Variants in DLGAP5 observed in about 807,000 individuals in gnomAD.
The protein encoded by DLGAP5 is disks large-associated protein 5.
Under a neutral mutation model 99.6 loss-of-function variants are expected in DLGAP5, and 90 were observed. The observed-to-expected ratio is 0.90, with a 90% CI of 0.76 to 1.08. The LOEUF is 1.08. Ranked by LOEUF, DLGAP5 falls within the 50% of genes least tolerant of loss-of-function variation. The probability of loss-of-function intolerance (pLI) is 0.00; values close to 1 mark genes in which losing one functional copy is unlikely to be tolerated. For synonymous variants in DLGAP5, 311 were observed against 321.3 expected, an observed-to-expected ratio of 0.97 and a Z score of 0.34; for missense variants, 1,036 against 983.5, an observed-to-expected ratio of 1.05 and a Z score of -0.71.
Position 55,150,812 on chromosome 14 carries a change from T to C in DLGAP5, c.2405A>G (p.His802Arg). 1 of 1,578,144 alleles carries C rather than the reference T, an allele frequency of 6.3e-7. No homozygotes were observed. Among genetic ancestry groups the C allele is most frequent in the Non-Finnish European group, 8.6e-7 (1 of 1,169,250 alleles). Residue 802 changes from histidine (H) to arginine (R), a missense_variant, in exon 18 of 19, where the codon CAC becomes CGC. Transcript: ENST00000247191. ...TGGAAAACTTACTGAATCAAGAAGG[T>C]GGCATTCAGTAGTGAGACTTTTATT... ...FDNKSLTTEC[H>R]LLDSPGLNCS...
chr14:55,158,972 A>T (rs1882313205), intron 13 of DLGAP5, among the ~76,000 whole-genome samples: 1 of 152,136 alleles, frequency 6.6e-6, no homozygotes. Context: ...AGATCTGGGA[A>T]GAATAGTAAG....
chr14:55,168,000 T>C (rs1220729518), intron 12 of DLGAP5, among the ~76,000 whole-genome samples: 1 of 152,142 alleles, frequency 6.6e-6, no homozygotes. Context: ...TTTTTTTCTG[T>C]TCTCTTTTTC....
intron 7 of DLGAP5, among the ~76,000 whole-genome samples, chr14:55,177,573 C>T (rs72718821): frequency 0.011 from 1,630 of 151,544 alleles, 11 homozygotes; most frequent in Middle Eastern, 0.028. Flanking sequence ...AGTAGCCCTC[C>T]GTCGCCCAGG....
At position 55,177,318 on chromosome 14, in the gene DLGAP5, C is replaced by T. The variant is rs568860371; in HGVS notation, c.793G>A (p.Asp265Asn). 2 of 1,600,498 alleles carry T rather than the reference C, an allele frequency of 1.2e-6. No individual in the cohort carries two copies. The highest frequency in any genetic ancestry group is 2.2e-5 in the East Asian group (1 of 44,464). ...KPDKGISCKVDSEENTLNSQT... is the reference protein window; with the variant it reads ...KPDKGISCKVNSEENTLNSQT... ...GAATTCAAAGTATTTTCTTCACTAT[C>T]GACTTTACAAGAAATACCCTAGGAT... The change falls in exon 8 of 19, where the codon GAT (aspartate) becomes AAT (asparagine). Residue 265 changes from aspartate to asparagine, a missense_variant. Asp to Asn is a conservative substitution (Grantham distance 23). Transcript: ENST00000247191.
intron 1 of DLGAP5, among the ~76,000 whole-genome samples, chr14:55,190,289 T>TATACACACACACACACACACACAC (rs1555330252): frequency 2.0e-5 from 3 of 147,304 alleles, no homozygotes; most frequent in African/African-American, 7.5e-5. Context: ...AGAAAAGCCA[T>TATACACACACACACACACACACAC]ACACACACAC....
chr14:55,187,007 C>G (rs1883455491), intron 2 of DLGAP5, among the ~76,000 whole-genome samples: 1 of 152,020 alleles, frequency 6.6e-6, no homozygotes, highest in South Asian at 2.1e-4. Flanking sequence ...CTCCTGGGTT[C>G]AGGTGATTCT....
Position 55,181,770 on chromosome 14 carries a change from C to T in DLGAP5, c.496-473G>A, listed in dbSNP as rs542451904. On this transcript the variant is annotated intron_variant, in intron 4 of 18. Coordinates refer to ENST00000247191, the MANE Select transcript of DLGAP5 (RefSeq NM_014750.5). ...CCCCATACCTATTTCTAGTACACCCCATCTCCCCTTTTTAAAATCTCTTCC... is the reference window on the plus strand; with the variant it reads ...CCCCATACCTATTTCTAGTACACCCTATCTCCCCTTTTTAAAATCTCTTCC... 2.1e-4 allele frequency among the ~76,000 whole-genome samples: 32 copies of T among 152,266 alleles called. No homozygotes were observed. The South Asian group carries it at 5.6e-3, about 27-fold the overall frequency.
At chr14:55,178,055 A>C (rs894793113) in intron 7 of DLGAP5, among the ~76,000 whole-genome samples, 2 of 108,482 alleles carry the variant, frequency 1.8e-5, no homozygotes, top group Non-Finnish European at 1.6e-5. Context: ...GATCGAGACC[A>C]TCCTGGCTAA....
At chr14:55,152,759 T>C (rs1284772502) in intron 15 of DLGAP5, 112 bp from the exon 16 acceptor site, 2 of 837,494 alleles carry the variant, frequency 2.4e-6, no homozygotes, top group East Asian at 5.9e-5. Context: ...GGATCAAACA[T>C]GGAGCCTGGT....
At position 55,148,265 on chromosome 14, in the gene DLGAP5, A is replaced by G. The variant is rs571959440; in HGVS notation, c.*86T>C. ...ATTATATGCTATAGAAGTGAACACA[A>G]ATACATTTTCTCCAAAATTTCAATA... On this transcript the variant is annotated 3_prime_UTR_variant, in exon 19 of 19. Transcript: ENST00000247191. 1.4e-5 allele frequency: 20 copies of G among 1,379,892 alleles called. No homozygotes were observed. The African/African-American group carries it at 2.3e-4, about 16-fold the overall frequency. 85.5% of individuals were successfully genotyped at this position (1,379,892 alleles called of 1,614,324 possible). A position where few individuals can be genotyped will look rare whatever the true frequency, so the allele number is the denominator to read the frequency against.
chr14:55,160,808 A>G lies in DLGAP5; in HGVS notation c.1654-2067T>C, dbSNP rs567633191. Among the ~76,000 whole-genome samples the G allele has an allele frequency of 5.3e-5, 8 of 152,308 alleles. No homozygotes were observed. The South Asian group carries it at 1.5e-3, about 28-fold the overall frequency. ...AGCAACTAGTGGATTAATAATTTAGATAACTATTCTAAAGTTATAGGGGGG... is the reference window on the plus strand; with the variant it reads ...AGCAACTAGTGGATTAATAATTTAGGTAACTATTCTAAAGTTATAGGGGGG... On this transcript the variant is annotated intron_variant, in intron 13 of 18. Coordinates refer to ENST00000247191, the MANE Select transcript of DLGAP5 (RefSeq NM_014750.5).
At chr14:55,157,837 G>C (rs1285397537) in intron 14 of DLGAP5, among the ~76,000 whole-genome samples, 4 of 152,136 alleles carry the variant, frequency 2.6e-5, no homozygotes. Flanking sequence ...ATCATAGCTC[G>C]CTGTAACCTT....
chr14:55,182,506 T>G (rs1883312564), intron 3 of DLGAP5, 74 bp from the exon 4 acceptor site: 2 of 1,299,856 alleles, frequency 1.5e-6, no homozygotes, highest in Non-Finnish European at 1.1e-6. Flanking sequence ...TATTACAAAA[T>G]AAAGTTCCCA....
intron 10 of DLGAP5, among the ~76,000 whole-genome samples, chr14:55,171,689 C>A (rs1231152531): frequency 6.6e-6 from 1 of 152,132 alleles, no homozygotes; most frequent in African/African-American, 2.4e-5. Flanking sequence ...TAGCTGTTCA[C>A]AACAGTTAAA....
rs1163976412 is a variant in DLGAP5, at chr14:55,148,446, T to G, written c.2446A>C (p.Thr816Pro). 6.2e-7 allele frequency: 1 copy of G among 1,614,114 alleles called. No individual in the cohort carries two copies. Among genetic ancestry groups the G allele is most frequent in the Admixed American group, 1.7e-5 (1 of 60,026 alleles). ...TCTTGATGTCTCCTCTCCAGCTGAG[T>G]AAATGGATTACTGCAGTTTAGACCT... ...SPGLNCSNPF[T>P]QLERRHQEHA... is the part of the protein sequence containing the mutation. Residue 816 changes from threonine to proline, a missense_variant, in exon 19 of 19, where the codon ACT becomes CCT. Thr to Pro is a conservative substitution (Grantham distance 38, BLOSUM62 -1). Coordinates refer to ENST00000247191, the MANE Select transcript of DLGAP5 (RefSeq NM_014750.5).
At chr14:55,165,406 T>C (rs1882601924) in intron 12 of DLGAP5, among the ~76,000 whole-genome samples, 1 of 151,914 alleles carries the variant, frequency 6.6e-6, no homozygotes, top group Non-Finnish European at 1.5e-5. Context: ...GCCTGTAGTC[T>C]CAGCAACTTG....
At chr14:55,181,410 A>G (rs1334784539) in intron 4 of DLGAP5, 113 bp from the exon 5 acceptor site, 1 of 717,996 alleles carries the variant, frequency 1.4e-6, no homozygotes, top group Non-Finnish European at 2.1e-6. Flanking sequence ...AAATGACCCA[A>G]CAACAACAAC....
At chr14:55,159,546 T>C (rs934059165) in intron 13 of DLGAP5, among the ~76,000 whole-genome samples, 10 of 152,178 alleles carry the variant, frequency 6.6e-5, no homozygotes, top group African/African-American at 2.2e-4. Flanking sequence ...GCAAAGGGTA[T>C]CGCTCAAAAG....
chr14:55,153,970 C>T (rs914823515), intron 15 of DLGAP5, among the ~76,000 whole-genome samples: 1 of 152,062 alleles, frequency 6.6e-6, no homozygotes, highest in Admixed American at 6.6e-5. Context: ...GCAGAAGAAT[C>T]GCTTGAACCC....
Sources: gnomAD v4.1 joint callset for allele counts (sites outside exome capture counted in the v4.1 genomes callset) on GRCh38, gnomAD v4.1.1 for gene constraint, MANE v1.5 for transcripts, NCBI Gene and HGNC (gene_info 2026-07-23, HGNC 2026-07-21) for gene names.